ERGIC1: variants seen among roughly 807,000 people sequenced by gnomAD.
ERGIC1 encodes endoplasmic reticulum-golgi intermediate compartment 1, also known as endoplasmic reticulum-Golgi intermediate compartment protein 1.
Under a neutral mutation model 38.3 loss-of-function variants are expected in ERGIC1, and 19 were observed. That is an observed-to-expected ratio of 0.50 (90% CI 0.35 to 0.73). ERGIC1 has a LOEUF of 0.73. Among genes scored for constraint, ERGIC1 ranks in the 30% least tolerant of loss-of-function variants. The pLI is 0.01. For synonymous variants in ERGIC1, 124 were observed against 157.6 expected, an observed-to-expected ratio of 0.79 and a Z score of 1.60; for missense variants, 294 against 389.2, an observed-to-expected ratio of 0.76 and a Z score of 2.06.
At chr5:172,854,529 C>G (rs1761494837) in intron 1 of ERGIC1, among the ~76,000 whole-genome samples, 1 of 152,270 alleles carries the variant, frequency 6.6e-6, no homozygotes, top group Non-Finnish European at 1.5e-5. Flanking sequence ...TGCAGGCACC[C>G]CCACCCACCT....
intron 2 of ERGIC1, among the ~76,000 whole-genome samples, chr5:172,895,116 C>T (rs371810541): frequency 1.7e-4 from 26 of 152,324 alleles, no homozygotes; most frequent in African/African-American, 6.3e-4. Context: ...GGGAAGTCTT[C>T]TTTGCAGGAA....
intron 1 of ERGIC1, among the ~76,000 whole-genome samples, chr5:172,861,152 T>C (rs1048622011): frequency 2.6e-5 from 4 of 152,200 alleles, no homozygotes; most frequent in African/African-American, 4.8e-5. Flanking sequence ...CCAGCCGCAG[T>C]GGCCACCGCT....
intron 1 of ERGIC1, among the ~76,000 whole-genome samples, chr5:172,835,236 G>C (rs1043142681): frequency 3.3e-5 from 5 of 152,214 alleles, no homozygotes; most frequent in Non-Finnish European, 7.3e-5. Flanking sequence ...TTGGTGTCTG[G>C]CTGGGAAAAG....
intron 1 of ERGIC1, among the ~76,000 whole-genome samples, chr5:172,855,616 G>A (rs535697469): frequency 1.2e-4 from 18 of 152,344 alleles, no homozygotes; most frequent in South Asian, 6.2e-4. Flanking sequence ...TGCGTGGGGT[G>A]CGAGGAGGTC....
intron 9 of ERGIC1, chr5:172,936,105 G>A (rs560809995): frequency 5.3e-5 from 8 of 152,298 alleles, no homozygotes; most frequent in African/African-American, 1.9e-4. Flanking sequence ...AAGATCAAGG[G>A]CCTTGGCTCT....
At chr5:172,875,486 C>T (rs1033889691) in intron 1 of ERGIC1, among the ~76,000 whole-genome samples, 1 of 152,028 alleles carries the variant, frequency 6.6e-6, no homozygotes, top group Non-Finnish European at 1.5e-5. Flanking sequence ...TGCTTATTAT[C>T]ATCAGTCAGA....
chr5:172,935,143 C>A (rs775248401), intron 8 of ERGIC1, 45 bp from the exon 9 acceptor site: 2 of 1,613,246 alleles, frequency 1.2e-6, no homozygotes, highest in Non-Finnish European at 1.7e-6. Flanking sequence ...CCCGCCCCCC[C>A]TGAGACACAG....
chr5:172,848,644 A>G (rs772530158), intron 1 of ERGIC1, among the ~76,000 whole-genome samples: 7 of 152,094 alleles, frequency 4.6e-5, no homozygotes, highest in Admixed American at 1.3e-4. Context: ...CTATGTGTTC[A>G]TCACTGGATC....
chr5:172,945,569 C>A (rs978244010), intron 9 of ERGIC1, among the ~76,000 whole-genome samples: 1 of 152,216 alleles, frequency 6.6e-6, no homozygotes, highest in Non-Finnish European at 1.5e-5. Context: ...AGGTTAGAGC[C>A]TTCCAGTGAA....
chr5:172,915,808 C>T (rs1270427950), intron 5 of ERGIC1: 1 of 374,290 alleles, frequency 2.7e-6, no homozygotes, highest in East Asian at 7.8e-5. Flanking sequence ...CCACTCCTGG[C>T]TTCTCCTTGT....
chr5:172,871,208 A>G (rs181052873), intron 1 of ERGIC1, among the ~76,000 whole-genome samples: 90 of 152,288 alleles, frequency 5.9e-4, no homozygotes, highest in African/African-American at 2.0e-3. Flanking sequence ...ATGGCTTCTC[A>G]GAGAAAGGGA....
intron 1 of ERGIC1, among the ~76,000 whole-genome samples, chr5:172,852,190 G>GAC (rs1561701506): frequency 6.6e-6 from 1 of 152,184 alleles, no homozygotes; most frequent in Non-Finnish European, 1.5e-5. Context: ...TGTGCTTAAA[G>GAC]ACACCATCAA....
intron 1 of ERGIC1, among the ~76,000 whole-genome samples, chr5:172,878,517 G>A (rs934956972): frequency 3.9e-5 from 6 of 152,308 alleles, no homozygotes; most frequent in Middle Eastern, 3.4e-3. Context: ...CCGAGGCTTC[G>A]TGCGCAGTAA....
chr5:172,932,477 G>T lies in ERGIC1; in HGVS notation c.583G>T (p.Val195Phe). The stretch of plus-strand genomic sequence containing the variant: ...CTACATCCTGAAGATTGTGCCCACG[G>T]TTTATGAGGACAAGAGTGGCAAGCA... Reference protein sequence around the residue: ...HDYILKIVPTVYEDKSGKQRY... With the variant: ...HDYILKIVPTFYEDKSGKQRY... The change falls in exon 8 of 10, where the codon GTT (valine) becomes TTT (phenylalanine). Residue 195 changes from valine (V) to phenylalanine (F), a missense_variant. This residue lies in a region of ERGIC1 where 109 missense variants were observed against 112.7 expected (regional missense o/e 0.97). Transcript: ENST00000393784. 1 of 1,614,192 alleles carries T rather than the reference G, an allele frequency of 6.2e-7. No individual in the cohort carries two copies. The highest frequency in any genetic ancestry group is 8.5e-7 in the Non-Finnish European group (1 of 1,180,044).
intron 1 of ERGIC1, among the ~76,000 whole-genome samples, chr5:172,835,813 C>A (rs941619794): frequency 3.9e-5 from 6 of 152,194 alleles, no homozygotes; most frequent in Non-Finnish European, 8.8e-5. Context: ...GGCTTCTTGC[C>A]CCTGCCGGGC....
At chr5:172,890,118 C>T (rs1311946993) in intron 2 of ERGIC1, among the ~76,000 whole-genome samples, 1 of 152,136 alleles carries the variant, frequency 6.6e-6, no homozygotes, top group Non-Finnish European at 1.5e-5. Flanking sequence ...GTTGGCATGA[C>T]CAGTGATAAG....
intron 1 of ERGIC1, among the ~76,000 whole-genome samples, chr5:172,843,370 T>G (rs1489383789): frequency 6.6e-6 from 1 of 152,182 alleles, no homozygotes; most frequent in African/African-American, 2.4e-5. Context: ...GCTGGTGAGG[T>G]GCAGAGCTGG....
chr5:172,851,573 C>T (rs993827178), intron 1 of ERGIC1, among the ~76,000 whole-genome samples: 43 of 152,196 alleles, frequency 2.8e-4, no homozygotes, highest in African/African-American at 9.4e-4. Flanking sequence ...GGCCACATGG[C>T]AGCCCAGGGC....
chr5:172,950,226 C>T (rs1764204184), intron 9 of ERGIC1, among the ~76,000 whole-genome samples: 1 of 152,152 alleles, frequency 6.6e-6, no homozygotes, highest in African/African-American at 2.4e-5. Flanking sequence ...GGCTGTGTGA[C>T]CTTGGGCCCC....
Sources: allele counts gnomAD v4.1 joint callset (sites outside exome capture counted in the v4.1 genomes callset), GRCh38; gene constraint gnomAD v4.1.1; regional missense constraint gnomAD v4.1.1; transcripts MANE v1.5; gene names NCBI Gene and HGNC (gene_info 2026-07-23, HGNC 2026-07-21).